Variants in RAP1GAP2 observed in about 807,000 individuals in gnomAD.
RAP1GAP2 encodes rap1 GTPase-activating protein 2.
RAP1GAP2 carries 27 observed loss-of-function variants against 95.0 expected under a neutral mutation model. The observed-to-expected ratio is 0.28, with a 90% confidence interval of 0.21 to 0.39. The LOEUF is 0.39. RAP1GAP2 is among the 10% of genes least tolerant of loss of function. The pLI, the probability that RAP1GAP2 is intolerant of heterozygous loss-of-function variation, is 1.00. For synonymous variants in RAP1GAP2, 373 were observed against 380.9 expected, an observed-to-expected ratio of 0.98 and a Z score of 0.24; for missense variants, 771 against 970.0, an observed-to-expected ratio of 0.79 and a Z score of 2.72.
chr17:2,910,160 G>A (rs1032177546), intron 3 of RAP1GAP2, among the ~76,000 whole-genome samples: 1 of 152,186 alleles, frequency 6.6e-6, no homozygotes, highest in Non-Finnish European at 1.5e-5. Flanking sequence ...TGAGTTCCCT[G>A]AGCATAGCGA....
chr17:2,952,305 G>A (rs546851853), intron 3 of RAP1GAP2, among the ~76,000 whole-genome samples: 1 of 152,238 alleles, frequency 6.6e-6, no homozygotes, highest in African/African-American at 2.4e-5. Flanking sequence ...ACCTCCTCTT[G>A]TCGTTTATTG....
intron 2 of RAP1GAP2, among the ~76,000 whole-genome samples, chr17:2,858,128 G>A (rs184314640): frequency 6.6e-6 from 1 of 152,276 alleles, no homozygotes; most frequent in East Asian, 1.9e-4. Context: ...GAAAGATGTG[G>A]ATAAAGTCAC....
chr17:2,830,956 T>TA (rs2070808271), intron 2 of RAP1GAP2, among the ~76,000 whole-genome samples: 1 of 95,412 alleles, frequency 1.0e-5, no homozygotes, highest in Non-Finnish European at 2.1e-5. Context: ...TCCCTTCCCC[T>TA]CCCCTCCCCT....
chr17:2,824,755 A>AG (rs920355900), intron 2 of RAP1GAP2, among the ~76,000 whole-genome samples: 1 of 148,562 alleles, frequency 6.7e-6, no homozygotes, highest in African/African-American at 2.6e-5. Context: ...AAAAAAAAAA[A>AG]AAAAAAAAGA....
At chr17:2,876,231 C>T (rs2073095058) in intron 2 of RAP1GAP2, among the ~76,000 whole-genome samples, 1 of 152,178 alleles carries the variant, frequency 6.6e-6, no homozygotes, top group Non-Finnish European at 1.5e-5. Context: ...GCCACCGCGC[C>T]TGGCTACATT....
intron 1 of RAP1GAP2, among the ~76,000 whole-genome samples, chr17:2,799,541 A>C (rs145303054): frequency 2.8e-3 from 428 of 152,264 alleles, no homozygotes; most frequent in Non-Finnish European, 5.1e-3. Context: ...AGGGTGCCGG[A>C]AAGAGCCTCC....
chr17:2,981,451 G>A (rs925299058), intron 10 of RAP1GAP2, among the ~76,000 whole-genome samples: 2 of 152,204 alleles, frequency 1.3e-5, no homozygotes, highest in South Asian at 2.1e-4. Flanking sequence ...TAGGTCTCCA[G>A]CCCAGCTGAA....
chr17:2,774,552 A>G (rs996871559), upstream of RAP1GAP2, among the ~76,000 whole-genome samples: 4 of 146,554 alleles, frequency 2.7e-5, no homozygotes, highest in African/African-American at 1.0e-4. Context: ...TGCGATCTGC[A>G]ATGTCCGACT....
intron 2 of RAP1GAP2, among the ~76,000 whole-genome samples, chr17:2,886,171 A>ATAT (rs1172583026): frequency 2.3e-4 from 28 of 123,352 alleles, no homozygotes; most frequent in South Asian, 8.2e-4. Context: ...GTATATATAT[A>ATAT]TTTTTTTTTT....
intron 2 of RAP1GAP2, among the ~76,000 whole-genome samples, chr17:2,822,945 T>C (rs937673823): frequency 6.6e-6 from 1 of 152,134 alleles, no homozygotes; most frequent in Non-Finnish European, 1.5e-5. Flanking sequence ...AAACCCTGTC[T>C]CTACTAAAAA....
intron 17 of RAP1GAP2, among the ~76,000 whole-genome samples, chr17:3,014,345 C>G (rs887050140): frequency 2.0e-5 from 3 of 152,190 alleles, no homozygotes; most frequent in African/African-American, 7.2e-5. Context: ...GTATACTAAA[C>G]ATCTAAATAT....
upstream of RAP1GAP2, among the ~76,000 whole-genome samples, chr17:2,774,078 C>T (rs1427341954): frequency 6.6e-6 from 1 of 152,092 alleles, no homozygotes; most frequent in African/African-American, 2.4e-5. Context: ...CACAATTTAA[C>T]AGGGGTAAAG....
intron 2 of RAP1GAP2, among the ~76,000 whole-genome samples, chr17:2,835,641 T>C (rs559436878): frequency 6.6e-5 from 10 of 152,290 alleles, no homozygotes; most frequent in East Asian, 1.9e-4. Flanking sequence ...GGGAGGATCA[T>C]TGGAGCCCAG....
intron 2 of RAP1GAP2, among the ~76,000 whole-genome samples, chr17:2,832,048 A>G (rs1376708196): frequency 6.6e-6 from 1 of 151,402 alleles, no homozygotes; most frequent in African/African-American, 2.4e-5. Flanking sequence ...TACTAAAAAT[A>G]CAAAAATTAG....
Position 2,965,714 on chromosome 17 carries a change from G to A in RAP1GAP2, c.596+71G>A. 8.5e-7 allele frequency: 1 copy of A among 1,170,792 alleles called. No homozygotes were observed. The highest frequency in any genetic ancestry group is 1.3e-5 in the South Asian group (1 of 76,312). 72.5% of individuals were successfully genotyped at this position (1,170,792 alleles called of 1,614,324 possible). A position where few individuals can be genotyped will look rare whatever the true frequency, so the allele number is the denominator to read the frequency against. ...CTCTCATCGGTGGTGTGGGGGCTGGGATGGGACTCAGAAATACCAGACTGA... is the reference window on the plus strand; with the variant it reads ...CTCTCATCGGTGGTGTGGGGGCTGGAATGGGACTCAGAAATACCAGACTGA... On this transcript the variant is annotated intron_variant, in intron 8 of 24. Transcript: ENST00000254695. This position sits in a 1 kb window ranked among gnomAD's most constrained non-coding sequence, Gnocchi z 4.7.
At chr17:2,926,576 C>T (rs1036589644) in intron 3 of RAP1GAP2, among the ~76,000 whole-genome samples, 6 of 152,198 alleles carry the variant, frequency 3.9e-5, no homozygotes, top group South Asian at 4.1e-4. Flanking sequence ...TTGAACCTGT[C>T]GGGAGGTTTC....
chr17:2,872,609 A>T (rs1324796820), intron 2 of RAP1GAP2, among the ~76,000 whole-genome samples: 3 of 151,780 alleles, frequency 2.0e-5, no homozygotes, highest in South Asian at 2.1e-4. Flanking sequence ...CCTTTTCTTC[A>T]TGGCTTCCTT....
intron 2 of RAP1GAP2, among the ~76,000 whole-genome samples, chr17:2,888,835 T>G (rs1290857477): frequency 8.4e-6 from 1 of 119,086 alleles, no homozygotes; most frequent in Non-Finnish European, 1.8e-5. Context: ...TTTTTTTTTT[T>G]GTATTTTAGC....
chr17:2,944,647 C>A (rs1042549214), intron 3 of RAP1GAP2, among the ~76,000 whole-genome samples: 1 of 152,156 alleles, frequency 6.6e-6, no homozygotes, highest in African/African-American at 2.4e-5. Flanking sequence ...TTAGGAGGAG[C>A]TTTTCAGTTT....
Sources: allele counts gnomAD v4.1 joint callset (sites outside exome capture counted in the v4.1 genomes callset), GRCh38; gene constraint gnomAD v4.1.1; non-coding constraint Gnocchi (gnomAD v3.1); transcripts MANE v1.5; gene names NCBI Gene and HGNC (gene_info 2026-07-23, HGNC 2026-07-21).